ABCA1: variants seen among roughly 807,000 people sequenced by gnomAD.
ABCA1 encodes phospholipid-transporting ATPase ABCA1.
In ABCA1, 133 loss-of-function variants were observed where a neutral mutation model predicts 262.5. The ratio of observed to expected loss-of-function variants is 0.51; its 90% CI spans 0.44 to 0.59. The LOEUF (loss-of-function observed/expected upper bound fraction) is 0.59. Ranked by LOEUF, ABCA1 falls within the 20% of genes least tolerant of loss-of-function variation. ABCA1 has a pLI of 0.00. For missense variants in ABCA1, 2,452 were observed against 2,777.5 expected, an observed-to-expected ratio of 0.88 and a Z score of 2.63; for synonymous variants, 1,022 against 1,043.5, an observed-to-expected ratio of 0.98 and a Z score of 0.40.
At chr9:104,903,963 T>A (rs1588560048) in intron 1 of ABCA1, among the ~76,000 whole-genome samples, 192 bp from the exon 2 acceptor site, 1 of 152,004 alleles carries the variant, frequency 6.6e-6, no homozygotes, top group Non-Finnish European at 1.5e-5. Flanking sequence ...ACTCGGGAGG[T>A]GTTCCGACAG....
chr9:104,906,877 T>C (rs1841185603), intron 1 of ABCA1, among the ~76,000 whole-genome samples: 1 of 152,064 alleles, frequency 6.6e-6, no homozygotes, highest in Non-Finnish European at 1.5e-5. Context: ...AGGATCCCAC[T>C]TCACAGTCAT....
At chr9:104,908,140 T>C (rs1053116309) in intron 1 of ABCA1, among the ~76,000 whole-genome samples, 2 of 152,128 alleles carry the variant, frequency 1.3e-5, no homozygotes, top group Admixed American at 1.3e-4. Context: ...CTAAATTAAA[T>C]ATTAAAAGTG....
Position 104,806,224 on chromosome 9 carries a change from C to A in ABCA1, c.4464+17G>T, listed in dbSNP as rs1456507031. 6.2e-7 allele frequency: 1 copy of A among 1,612,060 alleles called. No homozygotes were observed. The highest frequency in any genetic ancestry group is 1.7e-5 in the Admixed American group (1 of 60,010). ...CCTGCACCCCTTCTGCCCAATCACC[C>A]CCTGAAAGTGACTCACTTGTGGAGG... is the stretch of plus-strand genomic sequence containing the variant. On this transcript the variant is annotated intron_variant, in intron 31 of 49. Coordinates refer to ENST00000374736, the MANE Select transcript of ABCA1 (RefSeq NM_005502.4).
chr9:104,883,175 A>T lies in ABCA1; in HGVS notation c.303-18T>A, dbSNP rs766212526. On this transcript the variant is annotated intron_variant, in intron 4 of 49. Transcript: ENST00000374736. The stretch of plus-strand genomic sequence containing the variant: ...GAGCCACACTGTAAAGGGTGCAAGA[A>T]AAGGCGAAAGGCTTTAGCTAGGCCA... The T allele has an allele frequency of 5.0e-6, 8 of 1,601,962 alleles. No individual in the cohort carries two copies. In the Admixed American group the frequency reaches 1.3e-4, roughly 27 times the overall value.
chr9:104,822,221 C>G (rs1160799074), intron 19 of ABCA1, among the ~76,000 whole-genome samples: 1 of 152,170 alleles, frequency 6.6e-6, no homozygotes, highest in Non-Finnish European at 1.5e-5. Flanking sequence ...TCTATCTTTT[C>G]GTGGCTGCAG....
At chr9:104,894,331 G>C (rs1441132829) in intron 2 of ABCA1, among the ~76,000 whole-genome samples, 1 of 151,920 alleles carries the variant, frequency 6.6e-6, no homozygotes, top group African/African-American at 2.4e-5. Flanking sequence ...AAAATGAATG[G>C]ATCTTCCCCA....
intron 34 of ABCA1, among the ~76,000 whole-genome samples, chr9:104,801,141 A>T (rs1272049086): frequency 6.8e-6 from 1 of 147,340 alleles, no homozygotes; most frequent in Non-Finnish European, 1.5e-5. Flanking sequence ...TTCATTTCCT[A>T]TTTAGTCAGT....
At chr9:104,887,693 T>A in intron 3 of ABCA1, among the ~76,000 whole-genome samples, 1 of 149,546 alleles carries the variant, frequency 6.7e-6, no homozygotes, top group East Asian at 2.0e-4. Context: ...CTCACAGGCA[T>A]ATAAATTGCA....
chr9:104,921,616 G>A (rs1842145049), intron 1 of ABCA1, among the ~76,000 whole-genome samples: 1 of 152,138 alleles, frequency 6.6e-6, no homozygotes, highest in Non-Finnish European at 1.5e-5. Context: ...CATAAACCTA[G>A]CCTTAACTAC....
chr9:104,894,869 A>G (rs2118372170), intron 2 of ABCA1, among the ~76,000 whole-genome samples: 1 of 152,250 alleles, frequency 6.6e-6, no homozygotes, highest in African/African-American at 2.4e-5. Context: ...TTTATCTTGG[A>G]CCTCTAAAAT....
intron 1 of ABCA1, among the ~76,000 whole-genome samples, chr9:104,924,773 A>G (rs1047936367): frequency 6.6e-6 from 1 of 152,198 alleles, no homozygotes; most frequent in African/African-American, 2.4e-5. Context: ...GAAAACAGTG[A>G]AGACCTTAAT....
intron 6 of ABCA1, chr9:104,861,368 A>G (rs1384594760): frequency 2.0e-5 from 11 of 547,884 alleles, no homozygotes; most frequent in Non-Finnish European, 3.6e-5. Context: ...AGAACTGTGA[A>G]TATTTTTTAA....
chr9:104,834,387 C>T (rs1385410319), intron 11 of ABCA1, among the ~76,000 whole-genome samples: 2 of 148,982 alleles, frequency 1.3e-5, no homozygotes, highest in East Asian at 2.2e-4. Flanking sequence ...CAATTTATAC[C>T]ATCACCAGGA....
intron 7 of ABCA1, among the ~76,000 whole-genome samples, chr9:104,852,020 T>C (rs1033148582): frequency 6.6e-6 from 1 of 152,258 alleles, no homozygotes; most frequent in Non-Finnish European, 1.5e-5. Context: ...GACGTGGGTA[T>C]ACATATATTG....
At chr9:104,837,664 C>T in intron 9 of ABCA1, 97 bp from the exon 10 acceptor site, 1 of 1,410,994 alleles carries the variant, frequency 7.1e-7, no homozygotes, top group Non-Finnish European at 9.8e-7. Context: ...AGTTGAAACC[C>T]CAGCTCTACC....
At chr9:104,828,772 A>C in intron 15 of ABCA1, 144 bp downstream of exon 15, 1 of 969,130 alleles carries the variant, frequency 1.0e-6, no homozygotes, top group Non-Finnish European at 1.6e-6. Flanking sequence ...TTCCCCAACT[A>C]TAAATGGATG....
intron 3 of ABCA1, among the ~76,000 whole-genome samples, chr9:104,887,475 C>A (rs1037434901): frequency 6.6e-5 from 10 of 152,092 alleles, no homozygotes; most frequent in African/African-American, 2.2e-4. Flanking sequence ...TTGTCTGATG[C>A]CGAAGACATT....
At chr9:104,792,510 A>T (rs1290905189) in intron 42 of ABCA1, among the ~76,000 whole-genome samples, 1 of 152,242 alleles carries the variant, frequency 6.6e-6, no homozygotes, top group Non-Finnish European at 1.5e-5. Context: ...TTGACTAGAT[A>T]TACAATATTA....
In ABCA1 at chr9:104,817,225, C is replaced by A. The variant is rs763892609; in HGVS notation, c.3535+107G>T. 4 of 1,600,438 alleles carry A rather than the reference C, an allele frequency of 2.5e-6. No individual in the cohort carries two copies. The highest frequency in any genetic ancestry group is 1.1e-5 in the South Asian group (1 of 89,728). The stretch of plus-strand genomic sequence containing the variant: ...CACCCAGCCCCAGCCCAGCAGCAAA[C>A]CTTGAGTCAGCGCCACCAGCCTCTG... On this transcript the variant is annotated intron_variant, in intron 24 of 49. Transcript: ENST00000374736. The surrounding 1 kb of genome is among the most constrained non-coding windows in gnomAD (Gnocchi z 4.7).
Sources: gnomAD v4.1 joint callset for allele counts (sites outside exome capture counted in the v4.1 genomes callset) on GRCh38, gnomAD v4.1.1 for gene constraint, Gnocchi (gnomAD v3.1) non-coding constraint, MANE v1.5 for transcripts, NCBI Gene and HGNC (gene_info 2026-07-23, HGNC 2026-07-21) for gene names.